Variants in TSPOAP1 observed in about 807,000 individuals in gnomAD.
The protein encoded by TSPOAP1 is TSPO associated protein 1, also known as peripheral-type benzodiazepine receptor-associated protein 1.
Under a neutral mutation model 197.0 loss-of-function variants are expected in TSPOAP1, and 87 were observed. That is an observed-to-expected ratio of 0.44 (90% CI 0.37 to 0.53). The LOEUF (loss-of-function observed/expected upper bound fraction) is 0.53, where lower values mean the gene tolerates loss of function less well. Ranked by LOEUF, TSPOAP1 falls within the 20% of genes least tolerant of loss-of-function variation. TSPOAP1 has a pLI of 0.00. For synonymous variants in TSPOAP1, 913 were observed against 998.9 expected (o/e 0.91, Z 1.62); for missense variants, 2,174 against 2,411.3 (o/e 0.90, Z 2.06).
At chr17:58,305,288 G>A (rs754839047) in intron 29 of TSPOAP1, 99 bp downstream of exon 29, 27 of 1,519,218 alleles carry the variant, frequency 1.8e-5, no homozygotes, top group East Asian at 1.6e-4. Context: ...GAGGTGACCC[G>A]TTCCATTCCT....
intron 26 of TSPOAP1, 108 bp from the exon 27 acceptor site, chr17:58,305,973 AGGCTGCCGAG>A: frequency 7.6e-7 from 1 of 1,308,830 alleles, no homozygotes; most frequent in Non-Finnish European, 1.1e-6. Flanking sequence ...CAGGCAAGGA[AGGCTGCCGAG>A]GGCGCATCTC....
chr17:58,312,146 C>T lies in TSPOAP1; in HGVS notation c.2675G>A (p.Arg892Gln), dbSNP rs748645941. ...GATCTCAGCAGATGTGGCTGTCAAC[C>T]GATGGACCCGCAGCTGGCTGGGCAC... ...GVVPSQLRVH[R>Q]LTATSAEITW... is the part of the protein sequence containing the mutation. The change falls in exon 17 of 32, where the codon CGG becomes CAG. Residue 892 changes from arginine to glutamine, a missense_variant. Arg to Gln is a conservative substitution (Grantham distance 43, BLOSUM62 1). Around this residue, in one of 5 missense-constraint regions of TSPOAP1, gnomAD observed 1,933 missense variants for 2,139.0 expected, o/e 0.90. Transcript: ENST00000343736. The T allele has an allele frequency of 1.7e-5, 28 of 1,613,094 alleles. No homozygotes were observed. The highest frequency in any genetic ancestry group is 8.8e-5 in the South Asian group (8 of 91,092).
rs751425815 is a variant in TSPOAP1, at chr17:58,302,412, G to A, written c.*68C>T. 1.6e-6 allele frequency: 2 copies of A among 1,281,224 alleles called. No homozygotes were observed. Among genetic ancestry groups the A allele is most frequent in the South Asian group, 2.5e-5 (2 of 80,062 alleles). 79.4% of individuals were successfully genotyped at this position (1,281,224 alleles called of 1,614,324 possible). On this transcript the variant is annotated 3_prime_UTR_variant, in exon 32 of 32. Transcript: ENST00000343736. ...AGCTGGGGGTACAAGGCCCACCTGGGGGCCCTGGGGACCCTTGTGTGGTGC... is the reference window on the plus strand; with the variant it reads ...AGCTGGGGGTACAAGGCCCACCTGGAGGCCCTGGGGACCCTTGTGTGGTGC...
At chr17:58,327,126 C>T (rs1800375647) in intron 1 of TSPOAP1, among the ~76,000 whole-genome samples, 1 of 152,094 alleles carries the variant, frequency 6.6e-6, no homozygotes, top group African/African-American at 2.4e-5. Flanking sequence ...CCTGTTCCTT[C>T]CCTCTTCTAC....
At position 58,307,837 on chromosome 17, in the gene TSPOAP1, C is replaced by T; in HGVS notation, c.4831+5G>A. On this transcript the variant is annotated splice_donor_5th_base_variant and intron_variant, in intron 23 of 31. Transcript: ENST00000343736. ...GCTCTAGCTCCAGCCCCATCAGGTG[C>T]TCACCTAGCTCTGCAGTGCTTGGCC... is the stretch of plus-strand genomic sequence containing the variant. 1.2e-6 allele frequency: 2 copies of T among 1,613,872 alleles called. No individual in the cohort carries two copies. The highest frequency in any genetic ancestry group is 2.2e-5 in the South Asian group (2 of 91,084).
Position 58,308,967 on chromosome 17 carries a change from A to T in TSPOAP1, c.4305T>A (p.Asn1435Lys), listed in dbSNP as rs1446190578. The change falls in exon 22 of 32, where the codon AAT becomes AAA. Residue 1435 changes from asparagine to lysine, a missense_variant. By Grantham distance (94) the Asn-to-Lys change is moderately conservative. Transcript: ENST00000343736. The stretch of plus-strand genomic sequence containing the variant: ...CCAGTCGTCCAGAGGCCTGGGGCCC[A>T]TTGTTGCTGAGAAGTCGGCTGCAGT... Reference protein sequence around the residue: ...REHCSRLLSNNGPQASGRLGP... With the variant: ...REHCSRLLSNKGPQASGRLGP... 6.2e-7 allele frequency: 1 copy of T among 1,609,352 alleles called. No individual in the cohort carries two copies.
Position 58,306,424 on chromosome 17 carries a change from A to C in TSPOAP1, c.5153-11T>G. ...CAAACGGACCATTCCCTGATCCAGA[A>C]AAGCAGAGAGAAAGCGAGGCAGGGG... On this transcript the variant is annotated splice_polypyrimidine_tract_variant and intron_variant, in intron 25 of 31. Coordinates refer to ENST00000343736, the MANE Select transcript of TSPOAP1 (RefSeq NM_004758.4). 1 of 1,553,618 alleles carries C rather than the reference A, an allele frequency of 6.4e-7. No homozygotes were observed. Among genetic ancestry groups the C allele is most frequent in the Non-Finnish European group, 8.7e-7 (1 of 1,147,712 alleles).
In TSPOAP1 at chr17:58,309,343, T is replaced by C. The variant is rs1437708715; in HGVS notation, c.3929A>G (p.Glu1310Gly). 6.2e-7 allele frequency: 1 copy of C among 1,612,874 alleles called. No individual in the cohort carries two copies. The highest frequency in any genetic ancestry group is 8.5e-7 in the Non-Finnish European group (1 of 1,179,888). ...PDPFCETDSD[E>G]EILEQILELP... ...CTCCAGGATCTGCTCCAAGATCTCC[T>C]CATCGCTGTCAGTCTCACAAAAGGG... The change falls in exon 22 of 32, where the codon GAG becomes GGG. Residue 1310 changes from glutamate (E) to glycine (G), a missense_variant. Glu to Gly is a moderately conservative substitution (Grantham distance 98). Around this residue, in one of 5 missense-constraint regions of TSPOAP1, gnomAD observed 1,933 missense variants for 2,139.0 expected, o/e 0.90. Coordinates refer to ENST00000343736, the MANE Select transcript of TSPOAP1 (RefSeq NM_004758.4). The surrounding 1 kb of genome is among the most constrained non-coding windows in gnomAD (Gnocchi z 5.0).
At position 58,319,278 on chromosome 17, in the gene TSPOAP1, A is replaced by T; in HGVS notation, c.1511T>A (p.Leu504His). 6.3e-7 allele frequency: 1 copy of T among 1,586,518 alleles called. No individual in the cohort carries two copies. The highest frequency in any genetic ancestry group is 2.3e-5 in the East Asian group (1 of 43,004). ...LDSMQARVRE[L>H]EEQCRSQTEQ... is the part of the protein sequence containing the mutation. The stretch of plus-strand genomic sequence containing the variant: ...GGTTTGGCTGCGGCACTGTTCTTCG[A>T]GCTCTCGAACCCGGGCCTGGGCCAA... The change falls in exon 13 of 32, where the codon CTC becomes CAC. Residue 504 changes from leucine to histidine, a missense_variant. Around this residue, in one of 5 missense-constraint regions of TSPOAP1, gnomAD observed 1,933 missense variants for 2,139.0 expected, o/e 0.90. Transcript: ENST00000343736.
chr17:58,307,791 G>A (rs191709591), intron 23 of TSPOAP1, 29 bp from the exon 24 acceptor site: 12 of 1,613,644 alleles, frequency 7.4e-6, no homozygotes, highest in Admixed American at 6.7e-5. Flanking sequence ...GGGCGGTGAC[G>A]CAGCGAGCTC....
chr17:58,309,035 C>G lies in TSPOAP1; in HGVS notation c.4237G>C (p.Glu1413Gln). ...SSRRRGGGSP[E>Q]KPPSRRRPPD... ...GGCCGCCTGCGGCTTGGGGGCTTCT[C>G]AGGGGAGCCCCCTCCTCTCCTCCGG... The change falls in exon 22 of 32, where the codon GAG becomes CAG. Residue 1413 changes from glutamate (E) to glutamine (Q), a missense_variant. By Grantham distance (29) the Glu-to-Gln change is conservative. This residue lies in a region of TSPOAP1 where 1,933 missense variants were observed against 2,139.0 expected (regional missense o/e 0.90). Transcript: ENST00000343736. The surrounding 1 kb of genome is among the most constrained non-coding windows in gnomAD (Gnocchi z 5.0). The G allele has an allele frequency of 3.1e-6, 5 of 1,611,700 alleles. No individual in the cohort carries two copies. Among genetic ancestry groups the G allele is most frequent in the Non-Finnish European group, 4.2e-6 (5 of 1,179,696 alleles).
Position 58,322,222 on chromosome 17 carries a change from C to T in TSPOAP1, c.1422+86G>A. 5 of 1,365,920 alleles carry T rather than the reference C, an allele frequency of 3.7e-6. No individual in the cohort carries two copies. The highest frequency in any genetic ancestry group is 5.1e-6 in the Non-Finnish European group (5 of 980,124). The allele number at this position is 1,365,920 out of a possible 1,614,324, so 84.6% of individuals were successfully genotyped here. A position where few individuals can be genotyped will look rare whatever the true frequency, so the allele number is the denominator to read the frequency against. ...AGTCTCCCCGACGCCTAGCACAGTG[C>T]CGGGCACACAGTAAATGCTTGTGGA... On this transcript the variant is annotated intron_variant, in intron 10 of 31. Coordinates refer to ENST00000343736, the MANE Select transcript of TSPOAP1 (RefSeq NM_004758.4). The surrounding 1 kb of genome is among the most constrained non-coding windows in gnomAD (Gnocchi z 5.0).
Position 58,324,739 on chromosome 17 carries a change from G to A in TSPOAP1, c.942+72C>T, listed in dbSNP as rs1971520088. 2.0e-5 allele frequency: 26 copies of A among 1,284,722 alleles called. No homozygotes were observed. Among genetic ancestry groups the A allele is most frequent in the Non-Finnish European group, 2.7e-5 (26 of 975,384 alleles). The allele number at this position is 1,284,722 out of a possible 1,614,324, so 79.6% of individuals were successfully genotyped here. A position where few individuals can be genotyped will look rare whatever the true frequency, so the allele number is the denominator to read the frequency against. ...CCTTGGGGTTCTGAGCACGGTGCAGGGGAGATCCCGGTGGTCGTTCCCCCC... is the reference window on the plus strand; with the variant it reads ...CCTTGGGGTTCTGAGCACGGTGCAGAGGAGATCCCGGTGGTCGTTCCCCCC... On this transcript the variant is annotated intron_variant, in intron 5 of 31. Coordinates refer to ENST00000343736, the MANE Select transcript of TSPOAP1 (RefSeq NM_004758.4). The surrounding 1 kb of genome is among the most constrained non-coding windows in gnomAD (Gnocchi z 5.8).
rs1971617642 is a variant in TSPOAP1 at position 58,326,545 on chromosome 17, G to A, written c.442-124C>T. The A allele has an allele frequency of 6.5e-7, 1 of 1,541,474 alleles. No homozygotes were observed. The highest frequency in any genetic ancestry group is 1.2e-5 in the South Asian group (1 of 82,868). On this transcript the variant is annotated intron_variant, in intron 2 of 31. Transcript: ENST00000343736. This position sits in a 1 kb window ranked among gnomAD's most constrained non-coding sequence, Gnocchi z 4.7. ...GGGTCCTTGGCAACTCTAGGCAGGG[G>A]TTCACCCTCTCTGGGTCTCAGGATT...
In TSPOAP1 at chr17:58,304,517, C is replaced by T; in HGVS notation, c.5545-118G>A. On this transcript the variant is annotated intron_variant, in intron 30 of 31. Coordinates refer to ENST00000343736, the MANE Select transcript of TSPOAP1 (RefSeq NM_004758.4). This position sits in a 1 kb window ranked among gnomAD's most constrained non-coding sequence, Gnocchi z 4.2. Reference sequence around the variant, plus strand: ...CTACTCTCCAAGGCCTTTGTGTTCACACATGGAAGCCCTGAGTTTTCTGGC... The same window carrying T: ...CTACTCTCCAAGGCCTTTGTGTTCATACATGGAAGCCCTGAGTTTTCTGGC... 1 of 794,842 alleles carries T rather than the reference C, an allele frequency of 1.3e-6. No homozygotes were observed. Among genetic ancestry groups the T allele is most frequent in the East Asian group, 2.4e-5 (1 of 41,018 alleles). The allele number at this position is 794,842 out of a possible 1,614,324, so 49.2% of individuals were successfully genotyped here.
chr17:58,320,698 G>T, intron 10 of TSPOAP1, 117 bp from the exon 11 acceptor site: 1 of 776,810 alleles, frequency 1.3e-6, no homozygotes, highest in Non-Finnish European at 1.9e-6. Context: ...GAAGCCGGGA[G>T]AAAGAAAAGG....
intron 16 of TSPOAP1, among the ~76,000 whole-genome samples, chr17:58,313,512 G>A (rs2143053948): frequency 6.6e-6 from 1 of 152,044 alleles, no homozygotes; most frequent in East Asian, 1.9e-4. Context: ...TCAGGAGCCT[G>A]AGGTGGAAGG....
chr17:58,325,083 G>A lies in TSPOAP1; in HGVS notation c.751-81C>T. 2.2e-5 allele frequency: 28 copies of A among 1,296,530 alleles called. 1 individual carries two copies. In the South Asian group the frequency reaches 3.9e-4, roughly 18 times the overall value. The allele number at this position is 1,296,530 out of a possible 1,614,324, so 80.3% of individuals were successfully genotyped here. A position where few individuals can be genotyped will look rare whatever the true frequency, so the allele number is the denominator to read the frequency against. On this transcript the variant is annotated intron_variant, in intron 4 of 31. Coordinates refer to ENST00000343736, the MANE Select transcript of TSPOAP1 (RefSeq NM_004758.4). ...CATGCCATCCCCTGCAGAGCCCTTC[G>A]CCTTGCTGGAGGGGCTCCGATGCGC...
Position 58,309,040 on chromosome 17 carries a change from G to C in TSPOAP1, c.4232C>G (p.Ser1411Cys), listed in dbSNP as rs539313732. 2 of 1,612,152 alleles carry C rather than the reference G, an allele frequency of 1.2e-6. No homozygotes were observed. The highest frequency in any genetic ancestry group is 1.7e-5 in the Admixed American group (1 of 60,006). ...GGSSRRRGGGSPEKPPSRRRP... is the reference protein window; with the variant it reads ...GGSSRRRGGGCPEKPPSRRRP... Reference sequence around the variant, plus strand: ...CCTGCGGCTTGGGGGCTTCTCAGGGGAGCCCCCTCCTCTCCTCCGGCTGCT... The same window carrying C: ...CCTGCGGCTTGGGGGCTTCTCAGGGCAGCCCCCTCCTCTCCTCCGGCTGCT... The change falls in exon 22 of 32, where the codon TCC (serine) becomes TGC (cysteine). Residue 1411 changes from serine (S) to cysteine (C), a missense_variant. Ser to Cys is a moderately radical substitution (Grantham distance 112). Transcript: ENST00000343736. This position sits in a 1 kb window ranked among gnomAD's most constrained non-coding sequence, Gnocchi z 5.0.
Sources: gnomAD v4.1 joint callset for allele counts (sites outside exome capture counted in the v4.1 genomes callset) on GRCh38, gnomAD v4.1.1 for gene constraint, gnomAD v4.1.1 regional missense constraint, Gnocchi (gnomAD v3.1) non-coding constraint, MANE v1.5 for transcripts, NCBI Gene and HGNC (gene_info 2026-07-23, HGNC 2026-07-21) for gene names.